Variants in UVSSA observed in about 807,000 individuals in gnomAD.
The protein encoded by UVSSA is UV stimulated scaffold protein A.
A neutral mutation model predicts 73.9 loss-of-function variants in UVSSA; 72 were observed. The ratio of observed to expected loss-of-function variants is 0.97; its 90% CI spans 0.81 to 1.19. UVSSA has a LOEUF of 1.19. Among genes scored for constraint, UVSSA ranks in the 50% most tolerant of loss-of-function variants. UVSSA has a pLI of 0.00. For synonymous variants in UVSSA, 454 were observed against 391.3 expected (o/e 1.16, Z -1.89); for missense variants, 1,150 against 965.0 (o/e 1.19, Z -2.54).
chr4:1,364,518 C>T (rs1717058820), intron 7 of UVSSA, among the ~76,000 whole-genome samples: 2 of 152,226 alleles, frequency 1.3e-5, no homozygotes, highest in African/African-American at 2.4e-5. Flanking sequence ...GAAACAGCTG[C>T]GATCGCAGGC....
At chr4:1,352,097 G>C (rs1714858286) in intron 4 of UVSSA, among the ~76,000 whole-genome samples, 1 of 152,262 alleles carries the variant, frequency 6.6e-6, no homozygotes, top group Non-Finnish European at 1.5e-5. Context: ...GCCAGGCACA[G>C]GTGTGCCTGT....
At chr4:1,346,046 G>A (rs150435733), upstream of UVSSA, among the ~76,000 whole-genome samples, 3,514 of 152,294 alleles carry the variant, frequency 0.023, 79 homozygotes, top group Non-Finnish European at 0.033. Context: ...CGGAGGAGCG[G>A]CTCGGGGCTG....
intron 12 of UVSSA, among the ~76,000 whole-genome samples, chr4:1,382,717 C>T (rs538915634): frequency 3.3e-5 from 5 of 152,178 alleles, no homozygotes; most frequent in Non-Finnish European, 5.9e-5. Context: ...GAATTGTGGG[C>T]CCCGTATTCC....
At chr4:1,375,245 G>A in intron 8 of UVSSA, 119 bp from the exon 9 acceptor site, 8 of 1,503,746 alleles carry the variant, frequency 5.3e-6, no homozygotes, top group East Asian at 2.3e-5. Context: ...CACCCACCTC[G>A]GGACTGTTGG....
At chr4:1,372,352 C>G (rs1045456711) in intron 8 of UVSSA, among the ~76,000 whole-genome samples, 2 of 152,192 alleles carry the variant, frequency 1.3e-5, no homozygotes, top group South Asian at 4.1e-4. Flanking sequence ...ATGGCACTTT[C>G]TCTCCGACTT....
chr4:1,346,859 C>T (rs1423186286), upstream of UVSSA, among the ~76,000 whole-genome samples: 2 of 152,220 alleles, frequency 1.3e-5, no homozygotes, highest in Admixed American at 6.5e-5. Flanking sequence ...ACTTTCTGCG[C>T]CCTCCCGCCT....
chr4:1,358,424 T>G (rs1716113854), intron 7 of UVSSA: 1 of 152,294 alleles, frequency 6.6e-6, no homozygotes, highest in South Asian at 2.1e-4. Context: ...GTCAGTTGAA[T>G]GGACACTTTC....
At chr4:1,389,581 G>A (rs1413944355), downstream of UVSSA, 1 of 152,244 alleles carries the variant, frequency 6.6e-6, no homozygotes, top group Non-Finnish European at 1.5e-5. Flanking sequence ...GTCTCACTAT[G>A]TTGGCTAGGC....
At position 1,349,864 on chromosome 4, in the gene UVSSA, C is replaced by A; in HGVS notation, c.429+10C>A. On this transcript the variant is annotated intron_variant, in intron 3 of 13. Transcript: ENST00000389851. The stretch of plus-strand genomic sequence containing the variant: ...AAGACACAACAAAAAGGTAGGTGGG[C>A]CTGGCCCATTTTTTCAGAGACTGGT... The A allele has an allele frequency of 6.6e-7, 1 of 1,522,624 alleles. No individual in the cohort carries two copies. 94.3% of individuals were successfully genotyped at this position (1,522,624 alleles called of 1,614,324 possible).
At chr4:1,377,877 A>G (rs929346558) in intron 10 of UVSSA, among the ~76,000 whole-genome samples, 3 of 152,228 alleles carry the variant, frequency 2.0e-5, no homozygotes, top group Non-Finnish European at 4.4e-5. Context: ...TGCAGCCTAC[A>G]CATGGCAGCG....
At chr4:1,349,984 C>A in intron 3 of UVSSA, 130 bp downstream of exon 3, 2 of 840,442 alleles carry the variant, frequency 2.4e-6, no homozygotes, top group Non-Finnish European at 3.5e-6. Context: ...GCCTGAACAC[C>A]CAGGCTGCCA....
chr4:1,373,937 T>C (rs1385946188), intron 8 of UVSSA, among the ~76,000 whole-genome samples: 1 of 152,212 alleles, frequency 6.6e-6, no homozygotes, highest in Non-Finnish European at 1.5e-5. Flanking sequence ...CTTCCTGGCC[T>C]CTCGCTGTGT....
intron 12 of UVSSA, among the ~76,000 whole-genome samples, chr4:1,381,472 G>A (rs1719495681): frequency 6.6e-6 from 1 of 152,208 alleles, no homozygotes; most frequent in Non-Finnish European, 1.5e-5. Context: ...GAGTGCGGGT[G>A]CCCAGAGGCC....
chr4:1,369,115 A>ACGTTCTGCCGTTCTGC (rs112656207), intron 8 of UVSSA, among the ~76,000 whole-genome samples: 1 of 152,064 alleles, frequency 6.6e-6, no homozygotes, highest in Non-Finnish European at 1.5e-5. Context: ...AGGGCTAACC[A>ACGTTCTGCCGTTCTGC]CGTTCTGCCG....
chr4:1,394,877 G>T (rs756990345), exon 14 of UVSSA: 1 of 1,516,912 alleles, frequency 6.6e-7, no homozygotes, highest in Non-Finnish European at 8.7e-7. Flanking sequence ...ACGTGCCGAT[G>T]CGGAGTGCCC....
upstream of UVSSA, among the ~76,000 whole-genome samples, chr4:1,346,817 C>T (rs1244767664): frequency 1.3e-5 from 2 of 152,188 alleles, no homozygotes; most frequent in Non-Finnish European, 2.9e-5. Flanking sequence ...CCGGCCCCGC[C>T]CCCGGCGCCC....
Position 1,353,280 on chromosome 4 carries a change from C to CCG in UVSSA, c.801_802insCG (p.Gly268ArgfsTer48). The CCG allele has an allele frequency of 6.2e-7, 1 of 1,610,982 alleles. No homozygotes were observed. Among genetic ancestry groups the CCG allele is most frequent in the South Asian group, 1.1e-5 (1 of 91,072 alleles). The stretch of plus-strand genomic sequence containing the variant: ...CCTCTGCAGGCCACCCCAGAGCGGG[C>CCG]GGCGGGGCACAGCCATCCCAGACAG... On this transcript the variant is annotated frameshift_variant, in exon 5 of 14. Coordinates refer to ENST00000389851, the MANE Select transcript of UVSSA (RefSeq NM_020894.4). LOFTEE classifies it high-confidence loss of function.
At chr4:1,366,210 C>T in intron 7 of UVSSA, 110 bp from the exon 8 acceptor site, 1 of 834,476 alleles carries the variant, frequency 1.2e-6, no homozygotes, top group Non-Finnish European at 1.9e-6. Context: ...GAGCCCTAAG[C>T]AGGGGAAAAA....
downstream of UVSSA, chr4:1,392,448 T>A (rs1238904003): frequency 1.3e-5 from 2 of 152,388 alleles, no homozygotes; most frequent in East Asian, 3.9e-4. Context: ...CTCAAGTATT[T>A]CTTGTAGGAC....
Sources: gnomAD v4.1 joint callset for allele counts (sites outside exome capture counted in the v4.1 genomes callset) on GRCh38, gnomAD v4.1.1 for gene constraint, MANE v1.5 for transcripts, NCBI Gene and HGNC (gene_info 2026-07-23, HGNC 2026-07-21) for gene names.